Variants in SLC16A12 observed in about 807,000 individuals in gnomAD.
The protein encoded by SLC16A12 is solute carrier family 16 member 12.
In SLC16A12, 17 loss-of-function variants were observed where a neutral mutation model predicts 42.4. That is an observed-to-expected ratio of 0.40 (90% CI 0.27 to 0.60). The LOEUF (loss-of-function observed/expected upper bound fraction) is 0.60. Among genes scored for constraint, SLC16A12 ranks in the 20% least tolerant of loss-of-function variants. The probability of loss-of-function intolerance (pLI) is 0.42; values close to 1 mark genes in which losing one functional copy is unlikely to be tolerated. For missense variants in SLC16A12, 544 were observed against 623.0 expected, an observed-to-expected ratio of 0.87 and a Z score of 1.35; for synonymous variants, 224 against 229.4, an observed-to-expected ratio of 0.98 and a Z score of 0.21.
At chr10:89,549,588 T>C (rs1843759315) in intron 2 of SLC16A12, among the ~76,000 whole-genome samples, 1 of 152,198 alleles carries the variant, frequency 6.6e-6, no homozygotes, top group Non-Finnish European at 1.5e-5. Context: ...AAAGTCACCT[T>C]AGTGTTTTGG....
chr10:89,444,006 C>T, intron 3 of SLC16A12, 147 bp from the exon 4 acceptor site: 2 of 673,512 alleles, frequency 3.0e-6, no homozygotes, highest in South Asian at 3.3e-5. Context: ...AGAAGCTGAC[C>T]ATTTGGGCCA....
upstream of SLC16A12, among the ~76,000 whole-genome samples, chr10:89,539,896 T>TC (rs1843703029): frequency 3.4e-5 from 5 of 148,096 alleles, no homozygotes; most frequent in African/African-American, 1.3e-4. Flanking sequence ...TTTCTTTCTT[T>TC]CTTTCTTTCT....
rs117834687 is a variant in SLC16A12 at position 89,503,391 on chromosome 10, A to T, written c.-47+31110T>A. Among the ~76,000 whole-genome samples, 822 of 152,274 alleles carry T rather than the reference A, an allele frequency of 5.4e-3. 27 individuals carry two copies. The East Asian group carries it at 0.072, about 13-fold the overall frequency. On this transcript the variant is annotated intron_variant, in intron 2 of 7. Coordinates refer to ENST00000371790, the MANE Select transcript of SLC16A12 (RefSeq NM_213606.4). Reference sequence around the variant, plus strand: ...AATCCATAGTTGCTGTTCCAATCCCACGTAGAATTATAAAAGGTCCCCATA... The same window carrying T: ...AATCCATAGTTGCTGTTCCAATCCCTCGTAGAATTATAAAAGGTCCCCATA...
chr10:89,440,074 A>C (rs980910966), intron 5 of SLC16A12, among the ~76,000 whole-genome samples: 1 of 64,520 alleles, frequency 1.5e-5, no homozygotes, highest in Non-Finnish European at 3.9e-5. Flanking sequence ...ACCCTGTCTC[A>C]AAAAAAAAAA....
At chr10:89,521,948 T>A (rs1843364895) in intron 2 of SLC16A12, among the ~76,000 whole-genome samples, 1 of 152,198 alleles carries the variant, frequency 6.6e-6, no homozygotes, top group Non-Finnish European at 1.5e-5. Flanking sequence ...TATCTTTCCA[T>A]ATTACTGCCC....
At chr10:89,471,128 A>G (rs1842487659) in intron 2 of SLC16A12, among the ~76,000 whole-genome samples, 1 of 152,248 alleles carries the variant, frequency 6.6e-6, no homozygotes, top group Non-Finnish European at 1.5e-5. Flanking sequence ...TACATACAAT[A>G]AAACATGCCC....
intron 4 of SLC16A12, among the ~76,000 whole-genome samples, chr10:89,442,533 G>A (rs1010028995): frequency 6.6e-6 from 1 of 152,120 alleles, no homozygotes; most frequent in African/African-American, 2.4e-5. Context: ...GACAAACATG[G>A]CTTCTTTGGT....
intron 2 of SLC16A12, among the ~76,000 whole-genome samples, chr10:89,508,406 A>G (rs997327144): frequency 6.6e-6 from 1 of 152,196 alleles, no homozygotes; most frequent in Non-Finnish European, 1.5e-5. Flanking sequence ...TCAAATTAGA[A>G]CTCAGGATTA....
intron 6 of SLC16A12, 59 bp from the exon 7 acceptor site, chr10:89,436,378 AGAGCCACG>A: frequency 5.0e-6 from 8 of 1,602,334 alleles, no homozygotes; most frequent in Non-Finnish European, 6.8e-6. Context: ...AAAGAGCTTT[AGAGCCACG>A]GCTATGCAGC....
chr10:89,541,010 C>A (rs1843712033), intron 2 of SLC16A12, among the ~76,000 whole-genome samples: 1 of 151,524 alleles, frequency 6.6e-6, no homozygotes, highest in Non-Finnish European at 1.5e-5. Flanking sequence ...TAAGCTCTGC[C>A]TCCTGGGTTC....
chr10:89,539,905 CTTTCTTT>C (rs1554834030), upstream of SLC16A12, among the ~76,000 whole-genome samples: 1 of 140,734 alleles, frequency 7.1e-6, no homozygotes, highest in Admixed American at 7.0e-5. Flanking sequence ...TTCTTTCTTT[CTTTCTTT>C]TTTCTTTTTT....
At chr10:89,510,431 C>T (rs944392000) in intron 2 of SLC16A12, among the ~76,000 whole-genome samples, 38 of 152,146 alleles carry the variant, frequency 2.5e-4, no homozygotes, top group Non-Finnish European at 1.5e-5. Context: ...AATAACACCA[C>T]ACATCTACAA....
intron 2 of SLC16A12, among the ~76,000 whole-genome samples, chr10:89,546,393 C>G (rs1328971231): frequency 6.6e-6 from 1 of 152,124 alleles, no homozygotes. Context: ...AGACAATTCT[C>G]AAAAGAAGAC....
chr10:89,438,697 C>G lies in SLC16A12; in HGVS notation c.935G>C (p.Gly312Ala). The part of the protein sequence containing the change: ...VYLVPYALSV[G>A]VSHQQAAFLM... ...AAAAGCAGCTTGCTGATGACTCACTCCAACACTCAAAGCATAAGGCACCAA... is the reference window on the plus strand; with the variant it reads ...AAAAGCAGCTTGCTGATGACTCACTGCAACACTCAAAGCATAAGGCACCAA... The change falls in exon 6 of 8, where the codon GGA becomes GCA. Residue 312 changes from glycine to alanine, a missense_variant. By Grantham distance (60) the Gly-to-Ala change is moderately conservative. Coordinates refer to ENST00000371790, the MANE Select transcript of SLC16A12 (RefSeq NM_213606.4). 6.2e-7 allele frequency: 1 copy of G among 1,614,140 alleles called. No homozygotes were observed. Among genetic ancestry groups the G allele is most frequent in the Non-Finnish European group, 8.5e-7 (1 of 1,180,022 alleles).
chr10:89,533,833 T>TA (rs113124054), intron 2 of SLC16A12, among the ~76,000 whole-genome samples: 10,460 of 145,722 alleles, frequency 0.072, 1,138 homozygotes, highest in African/African-American at 0.24. Context: ...TCCCATCAGT[T>TA]AAAAAAAAAA....
At chr10:89,436,461 A>G (rs1256022225) in intron 6 of SLC16A12, 142 bp from the exon 7 acceptor site, 3 of 1,021,378 alleles carry the variant, frequency 2.9e-6, no homozygotes, top group South Asian at 1.4e-5. Context: ...CTGTCTTCCT[A>G]TCTTTCTTTT....
At chr10:89,433,770 A>T (rs1165745336) in intron 7 of SLC16A12, among the ~76,000 whole-genome samples, 1 of 152,208 alleles carries the variant, frequency 6.6e-6, no homozygotes, top group East Asian at 1.9e-4. Flanking sequence ...GCAGTATCAC[A>T]TTTTCAACTG....
chr10:89,549,423 A>T (rs1478323119), intron 2 of SLC16A12, among the ~76,000 whole-genome samples: 1 of 152,236 alleles, frequency 6.6e-6, no homozygotes, highest in Non-Finnish European at 1.5e-5. Flanking sequence ...GTGGTTATAG[A>T]TGATGCTGTA....
chr10:89,439,417 TAAAC>T (rs1050215201), intron 5 of SLC16A12, among the ~76,000 whole-genome samples: 2 of 152,188 alleles, frequency 1.3e-5, no homozygotes, highest in African/African-American at 4.8e-5. Flanking sequence ...TATGACTTCA[TAAAC>T]AAAATTAAAT....
Sources: allele counts gnomAD v4.1 joint callset (sites outside exome capture counted in the v4.1 genomes callset), GRCh38; gene constraint gnomAD v4.1.1; transcripts MANE v1.5; gene names NCBI Gene and HGNC (gene_info 2026-07-23, HGNC 2026-07-21).